The following CCDC57 variants were observed in gnomAD, a reference collection of about 807,000 sequenced individuals.
CCDC57 encodes the protein coiled-coil domain containing 57, also known as coiled-coil domain-containing protein 57.
Under a neutral mutation model 118.9 loss-of-function variants are expected in CCDC57, and 118 were observed. The observed-to-expected ratio is 0.99, with a 90% CI of 0.86 to 1.16. The LOEUF is 1.16. CCDC57 is among the 50% of genes most tolerant of loss of function. CCDC57 has a pLI of 0.00. For missense variants in CCDC57, 1,300 were observed against 1,320.7 expected (o/e 0.98, Z 0.24); for synonymous variants, 527 against 532.9 (o/e 0.99, Z 0.15).
At chr17:82,193,560 C>A (rs1014124514) in intron 7 of CCDC57, among the ~76,000 whole-genome samples, 196 bp downstream of exon 6, 6 of 150,782 alleles carry the variant, frequency 4.0e-5, no homozygotes, top group Non-Finnish European at 4.4e-5. Flanking sequence ...AAAAAGCAAG[C>A]AAGAAAGCAA....
At chr17:82,141,227 A>G (rs1379627890) in intron 16 of CCDC57, among the ~76,000 whole-genome samples, 1 of 138,678 alleles carries the variant, frequency 7.2e-6, no homozygotes, top group African/African-American at 2.8e-5. Flanking sequence ...TCTTGTTGCC[A>G]GGCTGGAGTG....
intron 16 of CCDC57, 106 bp downstream of exon 15, chr17:82,151,453 AC>A: frequency 2.1e-6 from 2 of 967,988 alleles, no homozygotes; most frequent in Non-Finnish European, 3.0e-6. Flanking sequence ...AACCTGGTGC[AC>A]CCCCAGAATC....
chr17:82,166,474 C>T (rs1349383749), intron 13 of CCDC57, among the ~76,000 whole-genome samples: 2 of 149,264 alleles, frequency 1.3e-5, no homozygotes, highest in Non-Finnish European at 3.0e-5. Flanking sequence ...ATGATAATGC[C>T]GTTGCACTCC....
chr17:82,186,823 T>G (rs1342592237), intron 8 of CCDC57, among the ~76,000 whole-genome samples: 1 of 152,118 alleles, frequency 6.6e-6, no homozygotes, highest in Non-Finnish European at 1.5e-5. Context: ...ACACCTGTGG[T>G]TCCAGCTACT....
rs1207146626 is a variant in CCDC57 at position 82,198,365 on chromosome 17, T to C, written c.465A>G (p.Thr155=). 3 of 1,613,638 alleles carry C rather than the reference T, an allele frequency of 1.9e-6. No homozygotes were observed. In the Admixed American group the frequency reaches 5.0e-5, roughly 27 times the overall value. Residue 155 remains threonine, a synonymous_variant, in exon 4 of 20, where the codon ACA becomes ACG. Transcript: ENST00000665763. ...CGAGCTCCTCAAGTTTTCTCTCCAG[T>C]GTCCATTTTAGATTTTCATACTGTT...
intron 19 of CCDC57, among the ~76,000 whole-genome samples, chr17:82,120,729 A>G (rs1471297347): frequency 1.3e-5 from 2 of 151,968 alleles, no homozygotes; most frequent in Admixed American, 6.6e-5. Context: ...CAAAAGCCCC[A>G]TGGACTTATG....
intron 3 of CCDC57, 122 bp downstream of exon 2, chr17:82,201,416 G>T: frequency 7.9e-7 from 1 of 1,259,912 alleles, no homozygotes; most frequent in Non-Finnish European, 1.1e-6. Flanking sequence ...CCGTGGCCTG[G>T]AATCAGCAGC....
At chr17:82,134,281 G>C in intron 16 of CCDC57, 87 bp from the exon 16 acceptor site, 1 of 1,236,924 alleles carries the variant, frequency 8.1e-7, no homozygotes. Flanking sequence ...AGAAAGAACA[G>C]CATGTTCCTT....
At chr17:82,103,864 G>A (rs890149859) in intron 19 of CCDC57, among the ~76,000 whole-genome samples, 3 of 151,900 alleles carry the variant, frequency 2.0e-5, no homozygotes, top group African/African-American at 2.4e-5. Context: ...GGGTGAGCTG[G>A]CCCCCTCCCC....
chr17:82,168,874 A>T (rs939778837), intron 13 of CCDC57, among the ~76,000 whole-genome samples: 2 of 152,080 alleles, frequency 1.3e-5, no homozygotes, highest in African/African-American at 4.8e-5. Flanking sequence ...ATCGTGATTT[A>T]AAAAATAAAG....
chr17:82,184,332 T>C (rs1015902473), intron 8 of CCDC57, among the ~76,000 whole-genome samples: 1 of 151,748 alleles, frequency 6.6e-6, no homozygotes, highest in African/African-American at 2.4e-5. Context: ...GTCACCCTCA[T>C]GTCCTCGCCA....
chr17:82,191,052 C>T (rs2047616426), intron 7 of CCDC57, among the ~76,000 whole-genome samples: 1 of 151,722 alleles, frequency 6.6e-6, no homozygotes. Context: ...CCTGACTTCA[C>T]AGGATGTCCA....
In CCDC57 at chr17:82,207,078, T is replaced by C. The variant is rs1003291325; in HGVS notation, c.-9+769A>G. ...ATGGTTTAGGGCCAGGTGCAGTGAC[T>C]GGCCCCGGTTGTCCCAGCACTTTGG... On this transcript the variant is annotated intron_variant, in intron 2 of 19. Transcript: ENST00000665763. 3.3e-5 allele frequency among the ~76,000 whole-genome samples: 5 copies of C among 152,202 alleles called. 1 individual carries two copies. Among genetic ancestry groups the C allele is most frequent in the African/African-American group, 1.2e-4 (5 of 41,452 alleles).
chr17:82,161,803 C>G (rs1252670267), intron 14 of CCDC57, among the ~76,000 whole-genome samples: 1 of 152,048 alleles, frequency 6.6e-6, no homozygotes, highest in Non-Finnish European at 1.5e-5. Flanking sequence ...GGGAGAAAAG[C>G]TCCGGTAATA....
chr17:82,170,291 C>T (rs762284626), intron 13 of CCDC57, among the ~76,000 whole-genome samples: 2 of 152,056 alleles, frequency 1.3e-5, no homozygotes, highest in Admixed American at 6.6e-5. Flanking sequence ...AGGCAGATCA[C>T]GAGGTCAGGA....
intron 13 of CCDC57, among the ~76,000 whole-genome samples, chr17:82,166,914 T>A (rs1407277852): frequency 6.6e-6 from 1 of 151,096 alleles, no homozygotes. Flanking sequence ...AGGCCCTGTC[T>A]CAAAAACAAC....
chr17:82,102,620 C>T (rs985065363), intron 19 of CCDC57, among the ~76,000 whole-genome samples: 8 of 152,088 alleles, frequency 5.3e-5, no homozygotes, highest in Admixed American at 1.3e-4. Flanking sequence ...TGGTGGCTCA[C>T]GTCTGTAATC....
rs367623939 is a variant in CCDC57, at chr17:82,120,841, C to T, written c.2899+6851G>A. 1.3e-3 allele frequency among the ~76,000 whole-genome samples: 191 copies of T among 152,142 alleles called. 2 individuals carry two copies. Among genetic ancestry groups the T allele is most frequent in the African/African-American group, 4.2e-3 (173 of 41,510 alleles). On this transcript the variant is annotated intron_variant, in intron 19 of 19. Coordinates refer to ENST00000665763, the Ensembl canonical transcript of CCDC57. ...TGCAACCTCGGCTCACTGCAAGCTC[C>T]GCCTCTCGGGTTCACAGCACTCTCC...
At chr17:82,161,866 A>G (rs1441199344) in intron 14 of CCDC57, among the ~76,000 whole-genome samples, 2 of 152,160 alleles carry the variant, frequency 1.3e-5, no homozygotes, top group East Asian at 3.9e-4. Flanking sequence ...TGAAAGGTAC[A>G]CTTTAAAATG....
Sources: gnomAD v4.1 joint callset for allele counts (sites outside exome capture counted in the v4.1 genomes callset) on GRCh38, gnomAD v4.1.1 for gene constraint, MANE v1.5 for transcripts, NCBI Gene and HGNC (gene_info 2026-07-23, HGNC 2026-07-21) for gene names.